Variants in GPC5 observed in about 807,000 individuals in gnomAD.
GPC5 encodes glypican-5.
Under a neutral mutation model 53.9 loss-of-function variants are expected in GPC5, and 47 were observed. The ratio of observed to expected loss-of-function variants is 0.87; its 90% confidence interval spans 0.69 to 1.11. The LOEUF (loss-of-function observed/expected upper bound fraction) is 1.11, where lower values mean the gene tolerates loss of function less well. Among genes scored for constraint, GPC5 ranks in the 50% most tolerant of loss-of-function variants. GPC5 has a pLI of 0.00. For synonymous variants in GPC5, 286 were observed against 263.3 expected (o/e 1.09, Z -0.84); for missense variants, 748 against 713.1 (o/e 1.05, Z -0.56).
chr13:92,419,264 A>T (rs928466150), intron 7 of GPC5, among the ~76,000 whole-genome samples: 2 of 152,202 alleles, frequency 1.3e-5, no homozygotes, highest in African/African-American at 4.8e-5. Context: ...CAGCAGCTAC[A>T]GCCCAGCAGT....
chr13:92,242,433 C>T (rs1278003496), intron 7 of GPC5, among the ~76,000 whole-genome samples: 1 of 151,934 alleles, frequency 6.6e-6, no homozygotes, highest in African/African-American at 2.4e-5. Flanking sequence ...AATTTGTTTT[C>T]GTGTTTTGTT....
chr13:91,453,085 T>G (rs1030731165), intron 2 of GPC5, among the ~76,000 whole-genome samples: 2 of 151,880 alleles, frequency 1.3e-5, no homozygotes, highest in African/African-American at 4.8e-5. Context: ...TTTAACTTTT[T>G]TTTGATTTCA....
intron 5 of GPC5, among the ~76,000 whole-genome samples, chr13:91,779,055 G>A (rs544112039): frequency 6.6e-6 from 1 of 152,310 alleles, no homozygotes; most frequent in East Asian, 1.9e-4. Context: ...GTATAGCATG[G>A]AGCTTGCAGG....
intron 2 of GPC5, among the ~76,000 whole-genome samples, chr13:91,672,130 C>T (rs1178973596): frequency 2.0e-5 from 3 of 152,104 alleles, no homozygotes; most frequent in Non-Finnish European, 4.4e-5. Context: ...AGCCCAAAAC[C>T]ATAAAAACCC....
intron 6 of GPC5, among the ~76,000 whole-genome samples, chr13:91,926,083 C>T (rs1418262360): frequency 6.6e-6 from 1 of 152,052 alleles, no homozygotes; most frequent in African/African-American, 2.4e-5. Context: ...TGCAAAATAG[C>T]CGGGTGCAGT....
At chr13:92,604,900 G>A (rs1012360265) in intron 7 of GPC5, among the ~76,000 whole-genome samples, 14 of 152,124 alleles carry the variant, frequency 9.2e-5, no homozygotes, top group Non-Finnish European at 1.8e-4. Context: ...TGAAAGTATA[G>A]CAAGGAGTGC....
intron 3 of GPC5, among the ~76,000 whole-genome samples, chr13:91,724,132 A>G (rs2036529536): frequency 6.6e-6 from 1 of 152,238 alleles, no homozygotes; most frequent in Admixed American, 6.5e-5. Flanking sequence ...AATTACCAAT[A>G]GCATAGTTCC....
chr13:91,968,122 A>G (rs757291974), intron 6 of GPC5, among the ~76,000 whole-genome samples: 3 of 152,082 alleles, frequency 2.0e-5, no homozygotes, highest in Non-Finnish European at 2.9e-5. Context: ...TTTTGTTAAC[A>G]GTGTTTCTTA....
intron 7 of GPC5, among the ~76,000 whole-genome samples, chr13:92,460,922 T>C (rs897872270): frequency 5.9e-5 from 9 of 152,174 alleles, no homozygotes; most frequent in African/African-American, 2.2e-4. Context: ...GTATGAGTTG[T>C]ATTGCAGGAA....
intron 7 of GPC5, among the ~76,000 whole-genome samples, chr13:92,480,995 G>A (rs1365828412): frequency 6.6e-6 from 1 of 152,178 alleles, no homozygotes; most frequent in Non-Finnish European, 1.5e-5. Flanking sequence ...GTTGGAAAAG[G>A]CAAAGGAACA....
At chr13:91,891,901 G>A (rs1452045809) in intron 5 of GPC5, among the ~76,000 whole-genome samples, 1 of 152,006 alleles carries the variant, frequency 6.6e-6, no homozygotes, top group East Asian at 1.9e-4. Context: ...GAATCTGATT[G>A]CAGATGCCTC....
At chr13:91,650,190 T>C (rs2034663550) in intron 2 of GPC5, among the ~76,000 whole-genome samples, 1 of 152,130 alleles carries the variant, frequency 6.6e-6, no homozygotes, top group South Asian at 2.1e-4. Flanking sequence ...ATGTTTCAGT[T>C]TGTGTGATCA....
intron 7 of GPC5, among the ~76,000 whole-genome samples, chr13:92,494,076 GTTTGTTTTGT>G (rs1555338609): frequency 4.6e-4 from 65 of 140,258 alleles, no homozygotes; most frequent in African/African-American, 1.6e-3. Context: ...TTGTTTGTTT[GTTTGTTTTGT>G]TTTGTTTTGT....
intron 7 of GPC5, chr13:92,709,373 T>G (rs751222863): frequency 3.9e-5 from 6 of 152,074 alleles, no homozygotes; most frequent in Non-Finnish European, 8.8e-5. Context: ...CTTAAGATAA[T>G]AGGTCACATC....
chr13:91,422,687 C>A (rs537810527), intron 1 of GPC5, among the ~76,000 whole-genome samples: 1 of 151,672 alleles, frequency 6.6e-6, no homozygotes, highest in African/African-American at 2.4e-5. Flanking sequence ...GCTGGGAAGT[C>A]AGCTTGAGGG....
At chr13:92,320,401 A>T (rs1469189590) in intron 7 of GPC5, among the ~76,000 whole-genome samples, 1 of 152,198 alleles carries the variant, frequency 6.6e-6, no homozygotes, top group Non-Finnish European at 1.5e-5. Context: ...GAAGAATAAC[A>T]TATTTCTATA....
chr13:92,346,128 AGCCATCAAATG>A (rs1300156365), intron 7 of GPC5, among the ~76,000 whole-genome samples: 8 of 152,074 alleles, frequency 5.3e-5, no homozygotes, highest in African/African-American at 1.9e-4. Flanking sequence ...GCTTGACCTG[AGCCATCAAATG>A]GCCACTCAGC....
At chr13:92,661,996 T>G (rs1408966168) in intron 7 of GPC5, among the ~76,000 whole-genome samples, 1 of 152,202 alleles carries the variant, frequency 6.6e-6, no homozygotes, top group African/African-American at 2.4e-5. Context: ...TCTTAAATGC[T>G]AAATCTTACA....
chr13:92,103,733 T>C (rs1016516438), intron 6 of GPC5, among the ~76,000 whole-genome samples: 1 of 152,194 alleles, frequency 6.6e-6, no homozygotes. Flanking sequence ...TGAGTGTGTG[T>C]TGGGTCACAT....
Sources: allele counts gnomAD v4.1 joint callset (sites outside exome capture counted in the v4.1 genomes callset), GRCh38; gene constraint gnomAD v4.1.1; transcripts MANE v1.5; gene names NCBI Gene and HGNC (gene_info 2026-07-23, HGNC 2026-07-21).